The following BARX1 variants were observed in gnomAD, a reference collection of about 807,000 sequenced individuals.
BARX1 encodes homeobox protein BarH-like 1.
BARX1 carries 10 observed loss-of-function variants against 19.6 expected under a neutral mutation model. The ratio of observed to expected loss-of-function variants is 0.51; its 90% CI spans 0.31 to 0.86. BARX1 has a LOEUF of 0.86. Ranked by LOEUF, BARX1 falls within the 40% of genes least tolerant of loss-of-function variation. BARX1 has a pLI of 0.04. For synonymous variants in BARX1, 177 were observed against 170.0 expected (o/e 1.04, Z -0.32); for missense variants, 309 against 360.4 (o/e 0.86, Z 1.15).
Position 93,952,089 on chromosome 9 carries a change from C to T in BARX1, c.*75G>A, listed in dbSNP as rs1480507675. On this transcript the variant is annotated 3_prime_UTR_variant, in exon 4 of 4. Coordinates refer to ENST00000253968, the MANE Select transcript of BARX1 (RefSeq NM_021570.4). ...GTAAACTTCTTGGACGCGGAAGGGC[C>T]GGCTCGCGGGTTTCCGCCGAGTGAG... 2.0e-6 allele frequency: 3 copies of T among 1,524,524 alleles called. No individual in the cohort carries two copies. Among genetic ancestry groups the T allele is most frequent in the Non-Finnish European group, 2.6e-6 (3 of 1,136,976 alleles). 94.4% of individuals were successfully genotyped at this position (1,524,524 alleles called of 1,614,324 possible).
intron 3 of BARX1, 79 bp from the exon 4 acceptor site, chr9:93,952,407 A>G: frequency 6.6e-7 from 1 of 1,522,292 alleles, no homozygotes; most frequent in South Asian, 1.2e-5. Context: ...CCCAGGTAGG[A>G]CTAAGGAGTG....
At chr9:93,953,469 A>G in intron 1 of BARX1, 1 of 411,354 alleles carries the variant, frequency 2.4e-6, no homozygotes, top group Non-Finnish European at 4.3e-6. Context: ...CCTGATGAAC[A>G]TGTTTGCAGC....
chr9:93,952,543 G>T (rs979601544), intron 3 of BARX1, among the ~76,000 whole-genome samples, 186 bp downstream of exon 3: 4 of 152,246 alleles, frequency 2.6e-5, no homozygotes, highest in Admixed American at 6.5e-5. Flanking sequence ...AGGTGCCGCG[G>T]GAAAGGACGA....
chr9:93,954,894 G>A, intron 1 of BARX1, 30 bp downstream of exon 1: 1 of 1,282,954 alleles, frequency 7.8e-7, no homozygotes, highest in Non-Finnish European at 9.8e-7. Context: ...CGCCAAGCCC[G>A]GCCCGCGACC....
In BARX1 at chr9:93,952,032, G is replaced by C. The variant is rs932402612; in HGVS notation, c.*132C>G. On this transcript the variant is annotated 3_prime_UTR_variant, in exon 4 of 4. Transcript: ENST00000253968. ...CTTCCTCGTTTGGCCCCAATTGTCC[G>C]CATTCAAGATCATAATAAAAAGGCT... 1.7e-5 allele frequency: 20 copies of C among 1,206,454 alleles called. No homozygotes were observed. The highest frequency in any genetic ancestry group is 2.3e-5 in the Non-Finnish European group (20 of 884,124). The allele number at this position is 1,206,454 out of a possible 1,614,324, so 74.7% of individuals were successfully genotyped here.
At chr9:93,952,458 A>C in intron 3 of BARX1, 130 bp from the exon 4 acceptor site, 1 of 1,350,346 alleles carries the variant, frequency 7.4e-7, no homozygotes, top group Non-Finnish European at 9.9e-7. Flanking sequence ...TGTCCCGGGA[A>C]ATGGCGGCCA....
rs1200572118 is a variant in BARX1 at position 93,952,337 on chromosome 9, G to C, written c.601-9C>G. The C allele has an allele frequency of 6.2e-7, 1 of 1,603,758 alleles. No homozygotes were observed. Among genetic ancestry groups the C allele is most frequent in the South Asian group, 1.1e-5 (1 of 90,616 alleles). The stretch of plus-strand genomic sequence containing the variant: ...CCGCCGCCCTGCAGCACCTGCACGG[G>C]GGACCGCCAGCACCTGGGTGAGCCA... On this transcript the variant is annotated splice_polypyrimidine_tract_variant and intron_variant, in intron 3 of 3. Transcript: ENST00000253968.
Position 93,952,124 on chromosome 9 carries a change from G to C in BARX1, c.*40C>G, listed in dbSNP as rs376172181. The C allele has an allele frequency of 6.3e-7, 1 of 1,586,474 alleles. No individual in the cohort carries two copies. The highest frequency in any genetic ancestry group is 8.5e-7 in the Non-Finnish European group (1 of 1,171,840). ...GTTTCCGCCGAGTGAGGGGGCTGCG[G>C]GTGGCGCGGGCATCCCAGGCCCCGC... On this transcript the variant is annotated 3_prime_UTR_variant, in exon 4 of 4. Transcript: ENST00000253968.
chr9:93,952,367 G>C, intron 3 of BARX1, 39 bp from the exon 4 acceptor site: 1 of 1,589,230 alleles, frequency 6.3e-7, no homozygotes, highest in Admixed American at 1.7e-5. Context: ...GAGCCAGCAC[G>C]TGGACTGGGG....
At position 93,953,054 on chromosome 9, in the gene BARX1, G is replaced by C. The variant is rs1829120644; in HGVS notation, c.357C>G (p.Leu119=). 1 of 1,564,620 alleles carries C rather than the reference G, an allele frequency of 6.4e-7. No individual in the cohort carries two copies. The highest frequency in any genetic ancestry group is 2.4e-5 in the East Asian group (1 of 41,570). The change falls in exon 2 of 4, where the codon CTC becomes CTG. Residue 119 remains leucine, a synonymous_variant. Coordinates refer to ENST00000253968, the MANE Select transcript of BARX1 (RefSeq NM_021570.4). ...CCAGCTTCCCGCGGAGCTGCAACTC[G>C]AGCGGCAGGTGTGGCGCACCCGCGG... ...PGAAGAPHLP[L]ELQLRGKLEA...
At position 93,952,310 on chromosome 9, in the gene BARX1, G is replaced by A. The variant is rs1172923407; in HGVS notation, c.619C>T (p.Leu207=). 10 of 1,609,650 alleles carry A rather than the reference G, an allele frequency of 6.2e-6. No homozygotes were observed. The South Asian group carries it at 8.8e-5, about 14-fold the overall frequency. ...CCCTTGGGCTTGGTGGGAGACTCCA[G>A]GCCGCCGCCCTGCAGCACCTGCACG... ...WKKIVLQGGG[L]ESPTKPKGRP... Residue 207 remains leucine, a synonymous_variant, in exon 4 of 4, where the codon CTG becomes TTG. Coordinates refer to ENST00000253968, the MANE Select transcript of BARX1 (RefSeq NM_021570.4).
Position 93,953,053 on chromosome 9 carries a change from C to CCCGCGG in BARX1, c.357_358insCCGCGG (p.Leu119_Glu120insProArg), listed in dbSNP as rs1563989712. 6.4e-7 allele frequency: 1 copy of CCCGCGG among 1,566,356 alleles called. No homozygotes were observed. Among genetic ancestry groups the CCCGCGG allele is most frequent in the Admixed American group, 1.9e-5 (1 of 53,380 alleles). ...TCCAGCTTCCCGCGGAGCTGCAACT[C>CCCGCGG]GAGCGGCAGGTGTGGCGCACCCGCG... On this transcript the variant is annotated inframe_insertion, in exon 2 of 4. Transcript: ENST00000253968.
At chr9:93,953,793 A>G (rs1025870275) in intron 1 of BARX1, among the ~76,000 whole-genome samples, 1 of 152,248 alleles carries the variant, frequency 6.6e-6, no homozygotes, top group South Asian at 2.1e-4. Flanking sequence ...CTTCAGTCCT[A>G]AAATGATTGT....
At position 93,951,850 on chromosome 9, in the gene BARX1, G is replaced by A. The variant is rs941071441; in HGVS notation, c.*314C>T. On this transcript the variant is annotated 3_prime_UTR_variant, in exon 4 of 4. Coordinates refer to ENST00000253968, the MANE Select transcript of BARX1 (RefSeq NM_021570.4). ...GGGAGGGCAGGCCCCAGACGGGGTG[G>A]GGGTGCAGGCGAGGAGCGGGGCGTG... The A allele has an allele frequency of 1.3e-5, 4 of 317,178 alleles. No homozygotes were observed. In the Admixed American group the frequency reaches 1.7e-4, roughly 14 times the overall value. The allele number at this position is 317,178 out of a possible 1,614,324, so 19.6% of individuals were successfully genotyped here. A position where few individuals can be genotyped will look rare whatever the true frequency, so the allele number is the denominator to read the frequency against.
rs184234212 is a variant in BARX1 at position 93,953,363 on chromosome 9, C to A, written c.224-176G>T. 4.3e-6 allele frequency: 3 copies of A among 698,918 alleles called. No individual in the cohort carries two copies. The East Asian group carries it at 9.1e-5, about 21-fold the overall frequency. The allele number at this position is 698,918 out of a possible 1,614,324, so 43.3% of individuals were successfully genotyped here. The stretch of plus-strand genomic sequence containing the variant: ...CAGATGGAGACCCTCCTCAACGTTG[C>A]CGTTCCCCAGATTTGGGAGGGAGTA... On this transcript the variant is annotated intron_variant, in intron 1 of 3. Transcript: ENST00000253968.
Position 93,952,628 on chromosome 9 carries a change from G to C in BARX1, c.600+101C>G, listed in dbSNP as rs994046764. On this transcript the variant is annotated intron_variant, in intron 3 of 3. Transcript: ENST00000253968. ...TACCAGGCACCGAGGGAATCGGGGG[G>C]TTGGGCAGAGTCTCAGTGGGGAGAA... is the stretch of plus-strand genomic sequence containing the variant. 1.5e-5 allele frequency: 20 copies of C among 1,333,058 alleles called. No individual in the cohort carries two copies. The African/African-American group carries it at 2.9e-4, about 19-fold the overall frequency. The allele number at this position is 1,333,058 out of a possible 1,614,324, so 82.6% of individuals were successfully genotyped here.
chr9:93,955,150 G>C lies in BARX1; in HGVS notation c.-4C>G. 2 of 1,125,132 alleles carry C rather than the reference G, an allele frequency of 1.8e-6. No homozygotes were observed. The highest frequency in any genetic ancestry group is 2.2e-6 in the Non-Finnish European group (2 of 922,836). 69.7% of individuals were successfully genotyped at this position (1,125,132 alleles called of 1,614,324 possible). A position where few individuals can be genotyped will look rare whatever the true frequency, so the allele number is the denominator to read the frequency against. On this transcript the variant is annotated 5_prime_UTR_variant, in exon 1 of 4. Coordinates refer to ENST00000253968, the MANE Select transcript of BARX1 (RefSeq NM_021570.4). This position sits in a 1 kb window ranked among gnomAD's most constrained non-coding sequence, Gnocchi z 4.4. ...CCGGCTCCCCCGGCCGCTGCATCGC[G>C]GCGCCCACTGCTGCGCCCGCGGTTT...
At chr9:93,952,685 T>C (rs969135805) in intron 3 of BARX1, 44 bp downstream of exon 3, 2 of 1,577,430 alleles carry the variant, frequency 1.3e-6, no homozygotes, top group Non-Finnish European at 1.7e-6. Flanking sequence ...CACCGGGGCA[T>C]GGCCCAGGAA....
At chr9:93,954,608 C>G (rs1829139988) in intron 1 of BARX1, among the ~76,000 whole-genome samples, 1 of 152,238 alleles carries the variant, frequency 6.6e-6, no homozygotes, top group Non-Finnish European at 1.5e-5. Context: ...CACGAGAGTC[C>G]GTAGCCTGGC....
Sources: gnomAD v4.1 joint callset for allele counts (sites outside exome capture counted in the v4.1 genomes callset) on GRCh38, gnomAD v4.1.1 for gene constraint, Gnocchi (gnomAD v3.1) non-coding constraint, MANE v1.5 for transcripts, NCBI Gene and HGNC (gene_info 2026-07-23, HGNC 2026-07-21) for gene names.